Variants in CNTN5 observed in about 807,000 individuals in gnomAD.
The protein encoded by CNTN5 is contactin 5, also known as contactin-5.
CNTN5 carries 77 observed loss-of-function variants against 129.1 expected under a neutral mutation model. That is an observed-to-expected ratio of 0.60 (90% CI 0.50 to 0.72). The LOEUF (loss-of-function observed/expected upper bound fraction) is 0.72, where lower values mean the gene tolerates loss of function less well. Ranked by LOEUF, CNTN5 falls within the 30% of genes least tolerant of loss-of-function variation. The pLI is 0.00. For missense variants in CNTN5, 1,478 were observed against 1,328.8 expected (o/e 1.11, Z -1.75); for synonymous variants, 509 against 465.6 (o/e 1.09, Z -1.20).
At chr11:100,249,635 G>T (rs1346119740) in intron 16 of CNTN5, among the ~76,000 whole-genome samples, 1 of 152,154 alleles carries the variant, frequency 6.6e-6, no homozygotes, top group African/African-American at 2.4e-5. Flanking sequence ...CATCTGGACT[G>T]TCACACATTT....
At chr11:100,104,058 A>G (rs528065766) in intron 13 of CNTN5, among the ~76,000 whole-genome samples, 2 of 151,952 alleles carry the variant, frequency 1.3e-5, no homozygotes, top group South Asian at 4.2e-4. Flanking sequence ...AAAACAAAAC[A>G]GATGAAAGCT....
chr11:100,352,868 A>C (rs538649775), intron 24 of CNTN5, among the ~76,000 whole-genome samples: 1 of 151,710 alleles, frequency 6.6e-6, no homozygotes, highest in Non-Finnish European at 1.5e-5. Context: ...ATATACGACA[A>C]CCTTCCTCTT....
At chr11:99,850,879 T>G (rs971246481) in intron 6 of CNTN5, among the ~76,000 whole-genome samples, 2 of 152,192 alleles carry the variant, frequency 1.3e-5, no homozygotes, top group Non-Finnish European at 2.9e-5. Context: ...ATTTTTTGTT[T>G]GAGGCTTTTT....
At chr11:100,030,162 G>A (rs769121386) in intron 9 of CNTN5, among the ~76,000 whole-genome samples, 4 of 151,876 alleles carry the variant, frequency 2.6e-5, no homozygotes, top group Non-Finnish European at 4.4e-5. Context: ...ATCACTTGAG[G>A]CCTGGCGTTC....
At chr11:99,170,992 G>A (rs1249980027) in intron 1 of CNTN5, among the ~76,000 whole-genome samples, 1 of 152,104 alleles carries the variant, frequency 6.6e-6, no homozygotes, top group East Asian at 1.9e-4. Flanking sequence ...AAAATAGAAA[G>A]TCAAGACCTA....
intron 1 of CNTN5, chr11:99,120,564 T>A (rs190812291): frequency 1.3e-5 from 2 of 152,328 alleles, no homozygotes; most frequent in East Asian, 1.9e-4. Flanking sequence ...ACTTGGATGA[T>A]CTTTAGATGC....
intron 8 of CNTN5, among the ~76,000 whole-genome samples, chr11:100,001,036 A>G (rs1449637070): frequency 6.6e-6 from 1 of 152,230 alleles, no homozygotes; most frequent in Non-Finnish European, 1.5e-5. Context: ...AGGGGCTGCT[A>G]TGAAGATCTC....
chr11:99,824,391 T>C (rs1225004372), intron 4 of CNTN5, among the ~76,000 whole-genome samples: 1 of 152,006 alleles, frequency 6.6e-6, no homozygotes, highest in Non-Finnish European at 1.5e-5. Context: ...ATATTGGACA[T>C]TCTGGTTTTT....
intron 6 of CNTN5, among the ~76,000 whole-genome samples, chr11:99,882,199 T>C (rs1205486485): frequency 1.3e-5 from 2 of 152,192 alleles, no homozygotes; most frequent in Admixed American, 6.5e-5. Flanking sequence ...TTAATGGTCA[T>C]GGTTTATATT....
At chr11:99,788,672 A>G (rs1945625598) in intron 3 of CNTN5, among the ~76,000 whole-genome samples, 3 of 151,944 alleles carry the variant, frequency 2.0e-5, no homozygotes, top group African/African-American at 7.2e-5. Context: ...TGTGCTAAAG[A>G]TGCCTGTAAG....
chr11:99,863,529 C>T (rs1252633342), intron 6 of CNTN5, among the ~76,000 whole-genome samples: 1 of 151,974 alleles, frequency 6.6e-6, no homozygotes, highest in Non-Finnish European at 1.5e-5. Context: ...CCGGGAACAT[C>T]AAGACTGTGA....
At chr11:100,145,975 G>C (rs1044335981) in intron 13 of CNTN5, among the ~76,000 whole-genome samples, 1 of 152,180 alleles carries the variant, frequency 6.6e-6, no homozygotes, top group Non-Finnish European at 1.5e-5. Flanking sequence ...CCATGGAATA[G>C]AGAAGTTTTA....
At chr11:99,852,903 C>CTATGCACTAAAGAA (rs1947918023) in intron 6 of CNTN5, among the ~76,000 whole-genome samples, 3 of 152,086 alleles carry the variant, frequency 2.0e-5, no homozygotes, top group Admixed American at 1.3e-4. Flanking sequence ...ATAGGAGATT[C>CTATGCACTAAAGAA]CAAAGCACTA....
intron 1 of CNTN5, among the ~76,000 whole-genome samples, chr11:99,122,907 T>C (rs1175146193): frequency 6.6e-6 from 1 of 152,130 alleles, no homozygotes; most frequent in Non-Finnish European, 1.5e-5. Flanking sequence ...TAGTATTACA[T>C]GGTGTATATG....
chr11:99,996,909 T>G (rs977589562), intron 8 of CNTN5, among the ~76,000 whole-genome samples: 8 of 152,150 alleles, frequency 5.3e-5, no homozygotes, highest in African/African-American at 1.9e-4. Flanking sequence ...TTCAGTCATC[T>G]TCCACCAGGT....
intron 7 of CNTN5, among the ~76,000 whole-genome samples, chr11:99,928,451 G>A (rs1475110712): frequency 2.0e-5 from 3 of 152,148 alleles, no homozygotes; most frequent in African/African-American, 7.2e-5. Context: ...TGGACATTCA[G>A]GCACTCCCAT....
intron 15 of CNTN5, among the ~76,000 whole-genome samples, chr11:100,204,531 A>G (rs1300829020): frequency 6.6e-6 from 1 of 150,428 alleles, no homozygotes; most frequent in Admixed American, 6.7e-5. Flanking sequence ...GCTAAAGTAC[A>G]GTAGTACAAT....
chr11:99,527,972 C>A (rs1041077981), intron 2 of CNTN5, among the ~76,000 whole-genome samples: 1 of 152,086 alleles, frequency 6.6e-6, no homozygotes, highest in African/African-American at 2.4e-5. Flanking sequence ...ATCATGTAAT[C>A]TTTGAAGGAA....
chr11:100,247,376 T>A (rs1341039723), intron 16 of CNTN5, among the ~76,000 whole-genome samples: 1 of 152,204 alleles, frequency 6.6e-6, no homozygotes, highest in Non-Finnish European at 1.5e-5. Flanking sequence ...AACTGTTTGT[T>A]TCTCATTTCC....
Sources: allele counts gnomAD v4.1 joint callset (sites outside exome capture counted in the v4.1 genomes callset), GRCh38; gene constraint gnomAD v4.1.1; transcripts MANE v1.5; gene names NCBI Gene and HGNC (gene_info 2026-07-23, HGNC 2026-07-21).